Variants in EPB41L4B observed in about 807,000 individuals in gnomAD.
EPB41L4B encodes erythrocyte membrane protein band 4.1 like 4B, also known as band 4.1-like protein 4B.
EPB41L4B carries 30 observed loss-of-function variants against 112.5 expected under a neutral mutation model. That is an observed-to-expected ratio of 0.27 (90% CI 0.20 to 0.36). The LOEUF (loss-of-function observed/expected upper bound fraction) is 0.36. Among genes scored for constraint, EPB41L4B ranks in the 10% least tolerant of loss-of-function variants. The pLI, the probability that EPB41L4B is intolerant of heterozygous loss-of-function variation, is 1.00. For missense variants in EPB41L4B, 1,024 were observed against 1,133.3 expected (o/e 0.90, Z 1.38); for synonymous variants, 408 against 439.7 (o/e 0.93, Z 0.90).
At chr9:109,201,731 A>G (rs1472987727) in intron 19 of EPB41L4B, among the ~76,000 whole-genome samples, 1 of 152,114 alleles carries the variant, frequency 6.6e-6, no homozygotes, top group African/African-American at 2.4e-5. Context: ...GGCTGAACGC[A>G]GGGCACTAGA....
chr9:109,183,444 G>A (rs958912724), intron 23 of EPB41L4B, among the ~76,000 whole-genome samples: 2 of 152,170 alleles, frequency 1.3e-5, no homozygotes, highest in Admixed American at 6.5e-5. Context: ...AGTGCTGGGA[G>A]TACCTGTAGT....
At chr9:109,243,992 G>C (rs1834449980) in intron 14 of EPB41L4B, among the ~76,000 whole-genome samples, 1 of 152,218 alleles carries the variant, frequency 6.6e-6, no homozygotes, top group African/African-American at 2.4e-5. Flanking sequence ...CCAGAGACAA[G>C]CTGTATTCAT....
chr9:109,234,228 AT>A (rs1027112803), intron 15 of EPB41L4B, among the ~76,000 whole-genome samples: 3 of 152,148 alleles, frequency 2.0e-5, no homozygotes, highest in African/African-American at 4.8e-5. Flanking sequence ...TTGGAGAGAA[AT>A]TTCATTAGAC....
chr9:109,192,588 G>A (rs4978779), intron 21 of EPB41L4B, among the ~76,000 whole-genome samples: 150,154 of 152,268 alleles, frequency 0.99, 74,044 homozygotes, highest in East Asian at 1. Context: ...TCAGAGCTGC[G>A]GGCCGCTTTT....
intron 18 of EPB41L4B, among the ~76,000 whole-genome samples, chr9:109,207,558 T>C (rs1833027250): frequency 6.7e-6 from 1 of 149,948 alleles, no homozygotes; most frequent in African/African-American, 2.5e-5. Context: ...TGCAACAGAG[T>C]GAGACAAGAA....
chr9:109,266,554 G>C (rs1273744796), intron 4 of EPB41L4B, among the ~76,000 whole-genome samples: 1 of 152,176 alleles, frequency 6.6e-6, no homozygotes, highest in Admixed American at 6.5e-5. Flanking sequence ...AGGCTTTGTA[G>C]AGAATTTCAC....
rs751836775 is a variant in EPB41L4B at position 109,279,936 on chromosome 9, G to C, written c.307-15C>G. ...TTGGCATGTTTCTGGAAGACAATTGGGAAGATGAAAAAACTTAGGGTGAGA... is the reference window on the plus strand; with the variant it reads ...TTGGCATGTTTCTGGAAGACAATTGCGAAGATGAAAAAACTTAGGGTGAGA... On this transcript the variant is annotated splice_polypyrimidine_tract_variant and intron_variant, in intron 1 of 25. Coordinates refer to ENST00000374566, the MANE Select transcript of EPB41L4B (RefSeq NM_019114.5). 1 of 1,605,932 alleles carries C rather than the reference G, an allele frequency of 6.2e-7. No homozygotes were observed. Among genetic ancestry groups the C allele is most frequent in the East Asian group, 2.2e-5 (1 of 44,778 alleles).
intron 18 of EPB41L4B, among the ~76,000 whole-genome samples, chr9:109,204,160 C>T (rs756974914): frequency 6.6e-6 from 1 of 152,168 alleles, no homozygotes; most frequent in Non-Finnish European, 1.5e-5. Flanking sequence ...GCATAACAAC[C>T]ATAACAGCCT....
In EPB41L4B at chr9:109,276,154, TACAC is replaced by T. The variant is rs66791042; in HGVS notation, c.411+3659_411+3662del. ...TATACATAATATATACGTGTGTGTA[TACAC>T]ACACACACACACACACACACACACA... On this transcript the variant is annotated intron_variant, in intron 2 of 25. Coordinates refer to ENST00000374566, the MANE Select transcript of EPB41L4B (RefSeq NM_019114.5). 7.9e-3 allele frequency among the ~76,000 whole-genome samples: 1,119 copies of T among 141,722 alleles called. 8 individuals carry two copies. The highest frequency in any genetic ancestry group is 9.5e-3 in the Non-Finnish European group (624 of 65,842). 93.0% of individuals were successfully genotyped at this position (141,722 alleles called of 152,430 possible).
chr9:109,194,740 C>G (rs568526490), intron 20 of EPB41L4B, among the ~76,000 whole-genome samples: 1 of 152,272 alleles, frequency 6.6e-6, no homozygotes, highest in East Asian at 1.9e-4. Context: ...GTCCCCAAAA[C>G]TTTTTCATCA....
chr9:109,214,886 A>G (rs1256576945), intron 16 of EPB41L4B, among the ~76,000 whole-genome samples: 1 of 152,176 alleles, frequency 6.6e-6, no homozygotes, highest in Non-Finnish European at 1.5e-5. Flanking sequence ...TGACTTTGGC[A>G]GCTACTATTT....
At chr9:109,277,909 T>C (rs1835897106) in intron 2 of EPB41L4B, among the ~76,000 whole-genome samples, 1 of 152,094 alleles carries the variant, frequency 6.6e-6, no homozygotes, top group African/African-American at 2.4e-5. Context: ...GGAGTGCAGG[T>C]GGTGACAGGA....
intron 1 of EPB41L4B, among the ~76,000 whole-genome samples, chr9:109,303,094 A>G (rs1261986697): frequency 2.2e-4 from 33 of 151,476 alleles, no homozygotes; most frequent in South Asian, 1.0e-3. Flanking sequence ...AAAAAAAAAA[A>G]AGAGAAAAGA....
At chr9:109,224,404 G>C (rs1833692610) in intron 15 of EPB41L4B, among the ~76,000 whole-genome samples, 1 of 152,142 alleles carries the variant, frequency 6.6e-6, no homozygotes, top group Non-Finnish European at 1.5e-5. Context: ...GATAAACTTT[G>C]AAAACATGAT....
chr9:109,226,590 C>A (rs1197946071), intron 15 of EPB41L4B, among the ~76,000 whole-genome samples: 1 of 133,694 alleles, frequency 7.5e-6, no homozygotes, highest in African/African-American at 3.1e-5. Flanking sequence ...ACAATCAAAA[C>A]CTCTCTTTGG....
intron 6 of EPB41L4B, among the ~76,000 whole-genome samples, chr9:109,260,304 A>C (rs2119046460): frequency 6.6e-6 from 1 of 152,070 alleles, no homozygotes; most frequent in South Asian, 2.1e-4. Flanking sequence ...TCCTGGGCCC[A>C]AGCGATCCGC....
At chr9:109,262,473 G>GTA (rs1391033472) in intron 6 of EPB41L4B, among the ~76,000 whole-genome samples, 2 of 151,672 alleles carry the variant, frequency 1.3e-5, no homozygotes, top group African/African-American at 2.4e-5. Context: ...GTGTGTGTGT[G>GTA]TGTGTGCAAA....
In EPB41L4B at chr9:109,282,231, G is replaced by C. The variant is rs879511936; in HGVS notation, c.307-2310C>G. On this transcript the variant is annotated intron_variant, in intron 1 of 25. Transcript: ENST00000374566. ...CAGAAATTAGATTAGTGGTTGCTTC[G>C]GGCAAAGGGGTTTGGGGGACGACAG... Among the ~76,000 whole-genome samples the C allele has an allele frequency of 2.6e-5, 4 of 152,258 alleles. No homozygotes were observed. The East Asian group carries it at 7.7e-4, about 29-fold the overall frequency.
chr9:109,213,903 A>G (rs1462883817), intron 16 of EPB41L4B, 85 bp from the exon 17 acceptor site: 20 of 1,218,122 alleles, frequency 1.6e-5, no homozygotes, highest in Non-Finnish European at 2.4e-5. Context: ...CCAGCGCCCG[A>G]TTCCCAGCAC....
Sources: gnomAD v4.1 joint callset for allele counts (sites outside exome capture counted in the v4.1 genomes callset) on GRCh38, gnomAD v4.1.1 for gene constraint, MANE v1.5 for transcripts, NCBI Gene and HGNC (gene_info 2026-07-23, HGNC 2026-07-21) for gene names.